Variants in WWC2 observed in about 807,000 individuals in gnomAD.
WWC2 encodes the protein protein WWC2.
WWC2 carries 101 observed loss-of-function variants against 138.5 expected under a neutral mutation model. The ratio of observed to expected loss-of-function variants is 0.73; its 90% CI spans 0.62 to 0.86. The LOEUF (loss-of-function observed/expected upper bound fraction) is 0.86. Among genes scored for constraint, WWC2 ranks in the 40% least tolerant of loss-of-function variants. The probability of loss-of-function intolerance (pLI) is 0.00; values close to 1 mark genes in which losing one functional copy is unlikely to be tolerated. For missense variants in WWC2, 1,420 were observed against 1,419.4 expected (o/e 1.00, Z -0.01); for synonymous variants, 558 against 538.4 (o/e 1.04, Z -0.50).
At chr4:183,190,779 T>A (rs1344928399) in intron 1 of WWC2, among the ~76,000 whole-genome samples, 1 of 152,158 alleles carries the variant, frequency 6.6e-6, no homozygotes, top group Non-Finnish European at 1.5e-5. Context: ...TGCTAACCAG[T>A]TAGTGGAACA....
At position 183,245,423 on chromosome 4, in the gene WWC2, A is replaced by T; in HGVS notation, c.610A>T (p.Lys204Ter). 5.2e-6 allele frequency: 8 copies of T among 1,550,338 alleles called. No individual in the cohort carries two copies. The highest frequency in any genetic ancestry group is 3.5e-6 in the Non-Finnish European group (4 of 1,156,480). ...CTTTTTCTCTTTTCACAGAATTGAT[A>T]AAAAAATGTCTGGAGGCCAGAGCGG... ...QGFETLQQID[K>*]KMSGGQSGYE... Residue 204 changes from lysine (K) to a stop codon, truncating the protein, a stop_gained, in exon 6 of 23, where the codon AAA (lysine) becomes TAA (stop). Coordinates refer to ENST00000403733, the MANE Select transcript of WWC2 (RefSeq NM_024949.6). LOFTEE classifies it high-confidence loss of function.
chr4:183,253,488 C>G (rs557558243), intron 8 of WWC2, among the ~76,000 whole-genome samples: 36 of 152,226 alleles, frequency 2.4e-4, no homozygotes, highest in African/African-American at 8.2e-4. Flanking sequence ...GGCCTTCACC[C>G]TTTTGTCAGG....
At chr4:183,249,692 G>T (rs1736912000) in intron 7 of WWC2, among the ~76,000 whole-genome samples, 1 of 152,134 alleles carries the variant, frequency 6.6e-6, no homozygotes, top group African/African-American at 2.4e-5. Flanking sequence ...AATTTAACGT[G>T]TAGAGAAAAT....
chr4:183,174,797 T>TTCTC (rs751310767), intron 1 of WWC2, among the ~76,000 whole-genome samples: 2 of 151,090 alleles, frequency 1.3e-5, no homozygotes, highest in Non-Finnish European at 3.0e-5. Context: ...TCCTTCTCCT[T>TTCTC]TCTCTCTCTC....
intron 1 of WWC2, among the ~76,000 whole-genome samples, chr4:183,130,630 ATCTG>A (rs1341449644): frequency 6.6e-6 from 1 of 152,164 alleles, no homozygotes; most frequent in African/African-American, 2.4e-5. Flanking sequence ...AGGTTAAATA[ATCTG>A]TCTGAGGTGA....
At chr4:183,246,383 A>G (rs561223610) in intron 6 of WWC2, among the ~76,000 whole-genome samples, 20 of 152,350 alleles carry the variant, frequency 1.3e-4, no homozygotes, top group East Asian at 3.9e-4. Context: ...TACATTCTCA[A>G]TAGAACATCT....
At chr4:183,142,867 A>G (rs1269837852) in intron 1 of WWC2, among the ~76,000 whole-genome samples, 2 of 152,226 alleles carry the variant, frequency 1.3e-5, no homozygotes, top group African/African-American at 2.4e-5. Flanking sequence ...CAAAACACAA[A>G]TGTTCAACTT....
At chr4:183,186,799 G>T (rs1734819172) in intron 1 of WWC2, among the ~76,000 whole-genome samples, 1 of 152,084 alleles carries the variant, frequency 6.6e-6, no homozygotes, top group Non-Finnish European at 1.5e-5. Context: ...TGTGGAGGAG[G>T]TATCAAACTA....
At chr4:183,283,529 G>C (rs1738147641) in intron 18 of WWC2, among the ~76,000 whole-genome samples, 1 of 152,210 alleles carries the variant, frequency 6.6e-6, no homozygotes, top group Admixed American at 6.5e-5. Flanking sequence ...ATTATGCCCT[G>C]AGAACTTCCT....
At chr4:183,220,915 C>A (rs1274432194) in intron 4 of WWC2, among the ~76,000 whole-genome samples, 1 of 150,570 alleles carries the variant, frequency 6.6e-6, no homozygotes, top group Non-Finnish European at 1.5e-5. Flanking sequence ...TTTAGTTAAC[C>A]CAAAAGAAGG....
chr4:183,139,802 GGTTTTT>G (rs147410524), intron 1 of WWC2, among the ~76,000 whole-genome samples: 2,676 of 152,122 alleles, frequency 0.018, 78 homozygotes, highest in African/African-American at 0.06. Flanking sequence ...GCAGGGAATT[GGTTTTT>G]GTTTTTGTTT....
In WWC2 at chr4:183,220,752, T is replaced by C. The variant is rs1376740174; in HGVS notation, c.522+11727T>C. On this transcript the variant is annotated intron_variant, in intron 4 of 22. Coordinates refer to ENST00000403733, the MANE Select transcript of WWC2 (RefSeq NM_024949.6). ...GGGAGGCTGAGCCAGGAGAATGGCG[T>C]GAACCCGGGAGGCGGAGCTTGCAGT... 3.3e-5 allele frequency among the ~76,000 whole-genome samples: 5 copies of C among 150,278 alleles called. No individual in the cohort carries two copies. In the South Asian group the frequency reaches 6.3e-4, roughly 19 times the overall value.
chr4:183,193,381 T>C (rs1307305088), intron 1 of WWC2, among the ~76,000 whole-genome samples: 2 of 152,192 alleles, frequency 1.3e-5, no homozygotes, highest in Admixed American at 1.3e-4. Context: ...ATTTATTTAG[T>C]GTATAGATTT....
intron 2 of WWC2, chr4:183,203,566 G>T (rs1417024816): frequency 6.6e-6 from 1 of 152,152 alleles, no homozygotes; most frequent in African/African-American, 2.4e-5. Flanking sequence ...TAAGAAAGGG[G>T]TTGTGGAACT....
intron 4 of WWC2, among the ~76,000 whole-genome samples, chr4:183,238,019 C>T (rs79165442): frequency 0.02 from 3,105 of 152,242 alleles, 103 homozygotes; most frequent in African/African-American, 0.071. Flanking sequence ...TGTTTATTCT[C>T]GTGCACCTAA....
chr4:183,185,022 A>G (rs1734748395), intron 1 of WWC2, among the ~76,000 whole-genome samples: 1 of 152,146 alleles, frequency 6.6e-6, no homozygotes, highest in African/African-American at 2.4e-5. Context: ...TAGGGATCCA[A>G]TCTAATTTAC....
chr4:183,292,203 T>C (rs924241498), intron 21 of WWC2, among the ~76,000 whole-genome samples: 28 of 151,726 alleles, frequency 1.8e-4, no homozygotes, highest in African/African-American at 6.5e-4. Flanking sequence ...CAATCAGTTA[T>C]GAAAAATTAA....
intron 1 of WWC2, among the ~76,000 whole-genome samples, chr4:183,114,018 T>C (rs1732334394): frequency 6.6e-6 from 1 of 152,182 alleles, no homozygotes; most frequent in Non-Finnish European, 1.5e-5. Context: ...TTTGGATTGC[T>C]AATCCAAAGT....
chr4:183,175,097 A>G (rs1386256965), intron 1 of WWC2, among the ~76,000 whole-genome samples: 1 of 152,228 alleles, frequency 6.6e-6, no homozygotes, highest in Non-Finnish European at 1.5e-5. Flanking sequence ...ATAGTTCAGC[A>G]TACATTTCCC....
Sources: gnomAD v4.1 joint callset for allele counts (sites outside exome capture counted in the v4.1 genomes callset) on GRCh38, gnomAD v4.1.1 for gene constraint, MANE v1.5 for transcripts, NCBI Gene and HGNC (gene_info 2026-07-23, HGNC 2026-07-21) for gene names.